The following POPDC2 variants were observed in gnomAD, a reference collection of about 807,000 sequenced individuals.
POPDC2 encodes the protein popeye domain cAMP effector 2.
POPDC2 carries 24 observed loss-of-function variants against 30.5 expected under a neutral mutation model. That is an observed-to-expected ratio of 0.79 (90% confidence interval 0.57 to 1.11). POPDC2 has a LOEUF of 1.11. Ranked by LOEUF, POPDC2 falls within the 50% of genes least tolerant of loss-of-function variation. POPDC2 has a pLI of 0.00. For missense variants in POPDC2, 409 were observed against 447.0 expected (o/e 0.91, Z 0.77); for synonymous variants, 185 against 183.3 (o/e 1.01, Z -0.07).
chr3:119,649,823 T>C (rs76800197), intron 2 of POPDC2, among the ~76,000 whole-genome samples: 2,480 of 152,288 alleles, frequency 0.016, 81 homozygotes, highest in African/African-American at 0.056. Context: ...TCTTCTCTTC[T>C]TTCCTTTCTG....
At chr3:119,651,662 G>A (rs1325330579) in intron 2 of POPDC2, among the ~76,000 whole-genome samples, 2 of 145,616 alleles carry the variant, frequency 1.4e-5, no homozygotes, top group African/African-American at 5.1e-5. Flanking sequence ...CTGAGACGAA[G>A]TCTTGCTCTG....
At chr3:119,655,571 A>C (rs1418824367) in intron 1 of POPDC2, among the ~76,000 whole-genome samples, 1 of 152,176 alleles carries the variant, frequency 6.6e-6, no homozygotes, top group African/African-American at 2.4e-5. Context: ...ATGAAGATTC[A>C]TGCTTACATT....
intron 3 of POPDC2, among the ~76,000 whole-genome samples, chr3:119,642,962 T>A (rs1577165082): frequency 6.6e-6 from 1 of 152,358 alleles, no homozygotes; most frequent in East Asian, 1.9e-4. Context: ...ATGAGGCCTG[T>A]AAGACAGAAG....
intron 3 of POPDC2, among the ~76,000 whole-genome samples, chr3:119,647,505 A>C (rs1301044390): frequency 1.3e-5 from 2 of 152,234 alleles, no homozygotes; most frequent in Non-Finnish European, 2.9e-5. Context: ...CCAGGCTGCC[A>C]TATACCTATC....
At chr3:119,648,897 A>C (rs1254151360) in intron 2 of POPDC2, among the ~76,000 whole-genome samples, 1 of 152,018 alleles carries the variant, frequency 6.6e-6, no homozygotes, top group Non-Finnish European at 1.5e-5. Context: ...CCATTCACTC[A>C]CTCACCCATC....
chr3:119,648,764 C>A, intron 2 of POPDC2, 96 bp from the exon 3 acceptor site: 1 of 1,107,722 alleles, frequency 9.0e-7, no homozygotes. Context: ...AACAGCTGTA[C>A]TTTTACTGAA....
upstream of POPDC2, chr3:119,660,656 C>CT: frequency 3.5e-6 from 1 of 285,854 alleles, no homozygotes; most frequent in Non-Finnish European, 6.2e-6. Context: ...CTCCCCCTCT[C>CT]CCCCCCTCTC....
chr3:119,651,726 C>T (rs1431420360), intron 2 of POPDC2, among the ~76,000 whole-genome samples: 6 of 151,790 alleles, frequency 4.0e-5, no homozygotes, highest in Admixed American at 3.9e-4. Flanking sequence ...ATGTCCACCT[C>T]CCGGGTTCAA....
intron 3 of POPDC2, 121 bp from the exon 4 acceptor site, chr3:119,642,682 C>T (rs911734428): frequency 1.6e-6 from 1 of 622,118 alleles, no homozygotes; most frequent in Non-Finnish European, 2.8e-6. Context: ...TAACTGTACT[C>T]ACTGCCTGAC....
At chr3:119,645,566 C>CA (rs201320482) in intron 3 of POPDC2, among the ~76,000 whole-genome samples, 37,910 of 115,456 alleles carry the variant, frequency 0.33, 5,888 homozygotes, top group Middle Eastern at 0.49. Context: ...CCGTCTCAAA[C>CA]AAAAAAAAAA....
intron 2 of POPDC2, among the ~76,000 whole-genome samples, chr3:119,652,565 C>T (rs1250135883): frequency 6.6e-6 from 1 of 152,190 alleles, no homozygotes; most frequent in East Asian, 1.9e-4. Context: ...ACAGCCCTTC[C>T]TCTTGAGCGT....
intron 2 of POPDC2, among the ~76,000 whole-genome samples, chr3:119,652,468 T>C (rs1037422917): frequency 6.6e-6 from 1 of 152,186 alleles, no homozygotes; most frequent in African/African-American, 2.4e-5. Context: ...GTGGCTCTCA[T>C]TACTCCCAAA....
rs1276463028 is a variant in POPDC2, at chr3:119,660,155, A to G, written c.269T>C (p.Leu90Pro). The G allele has an allele frequency of 6.2e-7, 1 of 1,614,206 alleles. No homozygotes were observed. The highest frequency in any genetic ancestry group is 2.2e-5 in the East Asian group (1 of 44,880). Residue 90 changes from leucine to proline, a missense_variant, in exon 1 of 4, where the codon CTC becomes CCC. Leu to Pro is a moderately conservative substitution (Grantham distance 98). Coordinates refer to ENST00000493094, the MANE Select transcript of POPDC2 (RefSeq NM_001369919.2). ...WSFLLAVVCLLQLAHLVYRLR... is the reference protein window; with the variant it reads ...WSFLLAVVCLPQLAHLVYRLR... ...GCGGTATACCAGGTGTGCCAGCTGG[A>G]GCAGGCAGACCACAGCCAGCAGGAA...
At chr3:119,643,964 A>G (rs888587967) in intron 3 of POPDC2, among the ~76,000 whole-genome samples, 9 of 152,220 alleles carry the variant, frequency 5.9e-5, no homozygotes, top group African/African-American at 2.2e-4. Flanking sequence ...TCTTTCTAAA[A>G]TTTGAAGATA....
chr3:119,646,049 G>A (rs2052742162), intron 3 of POPDC2, among the ~76,000 whole-genome samples: 1 of 152,168 alleles, frequency 6.6e-6, no homozygotes, highest in East Asian at 1.9e-4. Context: ...GCCTCCTGAT[G>A]TTTGGAAAAC....
chr3:119,648,758 G>T, intron 2 of POPDC2, 90 bp from the exon 3 acceptor site: 1 of 1,175,958 alleles, frequency 8.5e-7, no homozygotes, highest in South Asian at 1.5e-5. Flanking sequence ...TTGGCAAACA[G>T]CTGTACTTTT....
chr3:119,650,362 A>G (rs2052794150), intron 2 of POPDC2, among the ~76,000 whole-genome samples: 1 of 152,196 alleles, frequency 6.6e-6, no homozygotes, highest in Admixed American at 6.5e-5. Context: ...ATGAAGAAAA[A>G]AAAACCTGTT....
At chr3:119,645,895 T>A (rs937043699) in intron 3 of POPDC2, among the ~76,000 whole-genome samples, 57 of 152,314 alleles carry the variant, frequency 3.7e-4, no homozygotes, top group African/African-American at 1.3e-3. Flanking sequence ...GGACAGCTGG[T>A]CCAACACGCT....
intron 1 of POPDC2, 72 bp from the exon 2 acceptor site, chr3:119,654,685 G>A (rs538503566): frequency 2.8e-6 from 3 of 1,085,090 alleles, no homozygotes; most frequent in African/African-American, 3.1e-5. Flanking sequence ...CTGAAGTTAG[G>A]TGTCGCTGAT....
Sources: gnomAD v4.1 joint callset for allele counts (sites outside exome capture counted in the v4.1 genomes callset) on GRCh38, gnomAD v4.1.1 for gene constraint, MANE v1.5 for transcripts, NCBI Gene and HGNC (gene_info 2026-07-23, HGNC 2026-07-21) for gene names.